The following CNTNAP3B variants were observed in gnomAD, a reference collection of about 807,000 sequenced individuals.
CNTNAP3B encodes the protein contactin-associated protein-like 3B.
Under a neutral mutation model 108.9 loss-of-function variants are expected in CNTNAP3B, and 25 were observed. The observed-to-expected ratio is 0.23, with a 90% CI of 0.17 to 0.32. The LOEUF (loss-of-function observed/expected upper bound fraction) is 0.32, where lower values mean the gene tolerates loss of function less well. Among genes scored for constraint, CNTNAP3B ranks in the 10% least tolerant of loss-of-function variants. The pLI is 1.00. For missense variants in CNTNAP3B, 252 were observed against 1,210.4 expected, an observed-to-expected ratio of 0.21 and a Z score of 11.75; for synonymous variants, 103 against 473.4, an observed-to-expected ratio of 0.22 and a Z score of 10.16.
At chr9:41,957,674 A>T (rs1170083407) in intron 12 of CNTNAP3B, among the ~76,000 whole-genome samples, 1 of 151,808 alleles carries the variant, frequency 6.6e-6, no homozygotes, top group Admixed American at 6.6e-5. Context: ...AGCTTTTTCC[A>T]TATTAATTAT....
intron 14 of CNTNAP3B, among the ~76,000 whole-genome samples, chr9:41,932,285 G>T (rs1242838728): frequency 2.0e-5 from 3 of 152,060 alleles, no homozygotes; most frequent in Non-Finnish European, 4.4e-5. Context: ...TTCAGTAAGA[G>T]AACTTTCAAA....
At chr9:41,968,466 A>G (rs1427905889) in intron 10 of CNTNAP3B, among the ~76,000 whole-genome samples, 2 of 140,946 alleles carry the variant, frequency 1.4e-5, no homozygotes, top group African/African-American at 5.6e-5. Context: ...CTGTGTGCCA[A>G]GAATTCAAAT....
chr9:41,951,887 A>G (rs1481680168), intron 13 of CNTNAP3B, among the ~76,000 whole-genome samples: 5 of 152,042 alleles, frequency 3.3e-5, no homozygotes, highest in Non-Finnish European at 7.4e-5. Flanking sequence ...GAACAGCCTG[A>G]CCAACACGGT....
chr9:41,968,789 A>T (rs935810119), intron 10 of CNTNAP3B, among the ~76,000 whole-genome samples: 3 of 134,560 alleles, frequency 2.2e-5, no homozygotes, highest in African/African-American at 8.9e-5. Context: ...GTTCTACCAG[A>T]TGCAGATATA....
chr9:42,120,784 G>T (rs1287055620), intron 1 of CNTNAP3B, among the ~76,000 whole-genome samples: 1 of 110,972 alleles, frequency 9.0e-6, no homozygotes, highest in African/African-American at 4.0e-5. Flanking sequence ...AGAACACATG[G>T]ACACAGGAAG....
chr9:41,993,991 C>T (rs534998479), intron 7 of CNTNAP3B: 20 of 143,106 alleles, frequency 1.4e-4, no homozygotes, highest in African/African-American at 5.1e-4. Flanking sequence ...GAGACACCAG[C>T]TTAACTGTGG....
At chr9:41,996,996 G>A (rs1376382731) in intron 6 of CNTNAP3B, among the ~76,000 whole-genome samples, 1 of 77,672 alleles carries the variant, frequency 1.3e-5, no homozygotes, top group Non-Finnish European at 2.5e-5. Context: ...TCCTGTGAAG[G>A]ACTGGAAGAA....
In CNTNAP3B at chr9:42,110,546, G is replaced by GA. The variant is rs1234986190; in HGVS notation, c.86-5808dup. Among the ~76,000 whole-genome samples the GA allele has an allele frequency of 4.0e-5, 5 of 126,366 alleles. 1 individual carries two copies. Among genetic ancestry groups the GA allele is most frequent in the East Asian group, 2.4e-4 (1 of 4,212 alleles). 82.9% of individuals were successfully genotyped at this position (126,366 alleles called of 152,430 possible). On this transcript the variant is annotated intron_variant, in intron 1 of 23. Transcript: ENST00000377561. ...CTCTTTGTTCTAAAAAAAAAAAAAA[G>GA]AAAAAAAAAGATTCCTGTCCTTTCT...
intron 2 of CNTNAP3B, among the ~76,000 whole-genome samples, chr9:42,103,209 G>T (rs1195166004): frequency 1.4e-5 from 2 of 142,466 alleles, no homozygotes; most frequent in Admixed American, 6.9e-5. Flanking sequence ...TGCAGCAATA[G>T]AATCTAAAGT....
chr9:42,066,529 T>C (rs1827268582), intron 3 of CNTNAP3B, among the ~76,000 whole-genome samples: 1 of 118,828 alleles, frequency 8.4e-6, no homozygotes, highest in Non-Finnish European at 1.7e-5. Context: ...CGGGTTCAAG[T>C]GATTCTCCTG....
intron 2 of CNTNAP3B, 54 bp from the exon 3 acceptor site, chr9:42,077,116 T>C (rs1214374539): frequency 2.2e-6 from 3 of 1,373,162 alleles, no homozygotes; most frequent in Non-Finnish European, 2.9e-6. Context: ...TTATTTAACA[T>C]AGCTGTTACT....
Position 42,078,271 on chromosome 9 carries a change from T to C in CNTNAP3B, c.197-1209A>G, listed in dbSNP as rs1330259264. Reference sequence around the variant, plus strand: ...TTTAATATAAGTTATTATGGGGAAGTGTTAAGAAATATAAATATTAGGCAC... The same window carrying C: ...TTTAATATAAGTTATTATGGGGAAGCGTTAAGAAATATAAATATTAGGCAC... On this transcript the variant is annotated intron_variant, in intron 2 of 23. Transcript: ENST00000377561. Among the ~76,000 whole-genome samples, 2 of 97,954 alleles carry C rather than the reference T, an allele frequency of 2.0e-5. 1 individual carries two copies. The highest frequency in any genetic ancestry group is 7.7e-5 in the African/African-American group (2 of 26,068). The allele number at this position is 97,954 out of a possible 152,430, so 64.3% of individuals were successfully genotyped here. A position where few individuals can be genotyped will look rare whatever the true frequency, so the allele number is the denominator to read the frequency against.
chr9:41,917,204 C>T (rs1823539525), intron 18 of CNTNAP3B, among the ~76,000 whole-genome samples: 1 of 151,816 alleles, frequency 6.6e-6, no homozygotes, highest in Non-Finnish European at 1.5e-5. Flanking sequence ...CTCTGATGAT[C>T]TGTTTATTTT....
chr9:42,128,635 G>GT (rs1218055074), intron 1 of CNTNAP3B, among the ~76,000 whole-genome samples: 2 of 113,968 alleles, frequency 1.8e-5, no homozygotes, highest in Non-Finnish European at 3.5e-5. Flanking sequence ...ATGTCTGCCA[G>GT]TTTTTTCCCT....
rs918934806 is a variant in CNTNAP3B at position 41,991,222 on chromosome 9, G to C, written c.1333+388C>G. Among the ~76,000 whole-genome samples, 3 of 92,718 alleles carry C rather than the reference G, an allele frequency of 3.2e-5. 1 individual carries two copies. Among genetic ancestry groups the C allele is most frequent in the African/African-American group, 1.2e-4 (3 of 24,182 alleles). 60.8% of individuals were successfully genotyped at this position (92,718 alleles called of 152,430 possible). On this transcript the variant is annotated intron_variant, in intron 8 of 23. Transcript: ENST00000377561. ...ACTGTGTATAGAATATTTGTGCACAGACCCTGAGCGGCAGGGCGGAGAAGG... is the reference window on the plus strand; with the variant it reads ...ACTGTGTATAGAATATTTGTGCACACACCCTGAGCGGCAGGGCGGAGAAGG...
intron 17 of CNTNAP3B, among the ~76,000 whole-genome samples, chr9:41,921,906 G>A: frequency 6.8e-6 from 1 of 147,452 alleles, no homozygotes; most frequent in Non-Finnish European, 1.5e-5. Context: ...GTTTTGAGTG[G>A]ACCCTGGAGG....
chr9:41,924,344 G>A (rs1219022304), intron 15 of CNTNAP3B, among the ~76,000 whole-genome samples: 3 of 152,308 alleles, frequency 2.0e-5, no homozygotes, highest in Admixed American at 6.5e-5. Context: ...AGACCAGTCA[G>A]GGGATCGCGC....
chr9:42,042,374 T>C (rs1361454062), intron 3 of CNTNAP3B, among the ~76,000 whole-genome samples: 1 of 136,686 alleles, frequency 7.3e-6, no homozygotes, highest in Non-Finnish European at 1.6e-5. Flanking sequence ...ATGAGTAAGA[T>C]TTACGCTTAC....
At chr9:41,954,744 C>A (rs548853533) in intron 12 of CNTNAP3B, among the ~76,000 whole-genome samples, 1 of 152,344 alleles carries the variant, frequency 6.6e-6, no homozygotes, top group East Asian at 1.9e-4. Context: ...AGTGCAGTGG[C>A]GCTATCTCAG....
Sources: gnomAD v4.1 joint callset for allele counts (sites outside exome capture counted in the v4.1 genomes callset) on GRCh38, gnomAD v4.1.1 for gene constraint, MANE v1.5 for transcripts, NCBI Gene and HGNC (gene_info 2026-07-23, HGNC 2026-07-21) for gene names.